HELZ: variants seen among roughly 807,000 people sequenced by gnomAD.
The protein encoded by HELZ is helicase with zinc finger, also known as ATP-dependent RNA helicase with zinc finger domain.
In HELZ, 23 loss-of-function variants were observed where a neutral mutation model predicts 218.2. The ratio of observed to expected loss-of-function variants is 0.11; its 90% CI spans 0.08 to 0.15. The LOEUF (loss-of-function observed/expected upper bound fraction) is 0.15, where lower values mean the gene tolerates loss of function less well. Among genes scored for constraint, HELZ ranks in the 10% least tolerant of loss-of-function variants. HELZ has a pLI of 1.00. For missense variants in HELZ, 1,813 were observed against 2,353.7 expected (o/e 0.77, Z 4.75); for synonymous variants, 814 against 829.4 (o/e 0.98, Z 0.32).
intron 31 of HELZ, among the ~76,000 whole-genome samples, chr17:67,101,654 T>C (rs1257006083): frequency 1.3e-5 from 2 of 152,176 alleles, no homozygotes; most frequent in African/African-American, 2.4e-5. Context: ...AACTGAACTT[T>C]TGGAAGCTCA....
intron 2 of HELZ, among the ~76,000 whole-genome samples, chr17:67,242,473 C>T (rs540021153): frequency 6.8e-6 from 1 of 147,610 alleles, no homozygotes; most frequent in Non-Finnish European, 1.5e-5. Flanking sequence ...CACATATATA[C>T]ACATATATAC....
At chr17:67,089,365 G>A (rs3785577) in intron 31 of HELZ, among the ~76,000 whole-genome samples, 2 of 151,900 alleles carry the variant, frequency 1.3e-5, no homozygotes, top group Non-Finnish European at 2.9e-5. Flanking sequence ...GAAATGGAAG[G>A]CTGATATAAG....
intron 3 of HELZ, among the ~76,000 whole-genome samples, chr17:67,226,461 C>T (rs773074873): frequency 6.6e-6 from 1 of 152,120 alleles, no homozygotes; most frequent in Non-Finnish European, 1.5e-5. Context: ...GATTCCACTA[C>T]ATACCTATTA....
At chr17:67,214,753 C>G (rs917031066) in intron 5 of HELZ, among the ~76,000 whole-genome samples, 12 of 152,194 alleles carry the variant, frequency 7.9e-5, no homozygotes, top group African/African-American at 2.7e-4. Flanking sequence ...TCTTCTCCCA[C>G]TCACTCCTAG....
intron 3 of HELZ, among the ~76,000 whole-genome samples, chr17:67,223,153 G>A (rs1314141332): frequency 6.6e-6 from 1 of 151,738 alleles, no homozygotes; most frequent in Non-Finnish European, 1.5e-5. Context: ...CCAGCTACTC[G>A]GGAGGCTGAG....
intron 21 of HELZ, 46 bp from the exon 22 acceptor site, chr17:67,138,160 T>G: frequency 7.0e-7 from 1 of 1,438,428 alleles, no homozygotes; most frequent in Non-Finnish European, 9.3e-7. Context: ...ATCACCAATG[T>G]TTGGAGAAAA....
chr17:67,239,463 A>G lies in HELZ; in HGVS notation c.-49T>C, dbSNP rs564644472. 9.2e-5 allele frequency: 14 copies of G among 152,364 alleles called. No homozygotes were observed. The East Asian group carries it at 1.9e-3, about 21-fold the overall frequency. 9.4% of individuals were successfully genotyped at this position (152,364 alleles called of 1,614,324 possible). A position where few individuals can be genotyped will look rare whatever the true frequency, so the allele number is the denominator to read the frequency against. ...GTTCACTGCACTGGGTATCACCCAAATAGCCCATCAGAGCTCTTTATAATT... is the reference window on the plus strand; with the variant it reads ...GTTCACTGCACTGGGTATCACCCAAGTAGCCCATCAGAGCTCTTTATAATT... On this transcript the variant is annotated 5_prime_UTR_variant, in exon 3 of 33. Transcript: ENST00000358691.
intron 5 of HELZ, among the ~76,000 whole-genome samples, chr17:67,208,425 T>C (rs2040362188): frequency 6.6e-6 from 1 of 152,152 alleles, no homozygotes; most frequent in Admixed American, 6.5e-5. Flanking sequence ...TGTTTTGATA[T>C]GGTGCCAGAG....
chr17:67,211,829 C>G (rs765078844), intron 5 of HELZ, among the ~76,000 whole-genome samples: 4 of 151,880 alleles, frequency 2.6e-5, no homozygotes, highest in Non-Finnish European at 5.9e-5. Flanking sequence ...CCACTGCACT[C>G]CAGCCTGAGC....
At chr17:67,228,843 C>A (rs1233743951) in intron 3 of HELZ, among the ~76,000 whole-genome samples, 1 of 152,060 alleles carries the variant, frequency 6.6e-6, no homozygotes, top group African/African-American at 2.4e-5. Flanking sequence ...CCGAGCCTCC[C>A]AAGTAGCTGG....
At chr17:67,142,097 T>A (rs139380543) in intron 21 of HELZ, among the ~76,000 whole-genome samples, 2 of 151,368 alleles carry the variant, frequency 1.3e-5, no homozygotes, top group Non-Finnish European at 3.0e-5. Context: ...CTAGAAAATA[T>A]GCACTTAATA....
At chr17:67,227,742 A>G (rs1046203943) in intron 3 of HELZ, among the ~76,000 whole-genome samples, 2 of 152,200 alleles carry the variant, frequency 1.3e-5, no homozygotes, top group African/African-American at 2.4e-5. Context: ...AACAAAATCA[A>G]TCTTTCCACT....
intron 31 of HELZ, among the ~76,000 whole-genome samples, chr17:67,104,071 A>G (rs979372295): frequency 1.3e-5 from 2 of 152,182 alleles, no homozygotes; most frequent in African/African-American, 4.8e-5. Context: ...CCCACCTCAC[A>G]CAATATACAA....
chr17:67,145,693 G>A lies in HELZ; in HGVS notation c.2769+50C>T, dbSNP rs747833432. 34 of 1,464,176 alleles carry A rather than the reference G, an allele frequency of 2.3e-5. No homozygotes were observed. In the South Asian group the frequency reaches 3.1e-4, roughly 13 times the overall value. The allele number at this position is 1,464,176 out of a possible 1,614,324, so 90.7% of individuals were successfully genotyped here. On this transcript the variant is annotated intron_variant, in intron 21 of 32. Transcript: ENST00000358691. Reference sequence around the variant, plus strand: ...TTTAAATAAATGCTTAACAAAACTAGACGATGTGACTGAGAAAATGTTAAC... The same window carrying A: ...TTTAAATAAATGCTTAACAAAACTAAACGATGTGACTGAGAAAATGTTAAC...
chr17:67,133,214 G>C (rs2038040738), intron 23 of HELZ, among the ~76,000 whole-genome samples: 1 of 151,822 alleles, frequency 6.6e-6, no homozygotes, highest in Non-Finnish European at 1.5e-5. Flanking sequence ...ATCAATTAAT[G>C]TATATACCTT....
chr17:67,124,383 C>A (rs1179141433), intron 24 of HELZ, among the ~76,000 whole-genome samples: 1 of 151,988 alleles, frequency 6.6e-6, no homozygotes, highest in Non-Finnish European at 1.5e-5. Flanking sequence ...TCACGAAACA[C>A]AGAGGTTGTT....
intron 28 of HELZ, among the ~76,000 whole-genome samples, chr17:67,111,003 C>CCA (rs1480332598): frequency 2.6e-5 from 4 of 152,112 alleles, no homozygotes; most frequent in Non-Finnish European, 4.4e-5. Context: ...GTGGAATATT[C>CCA]CAAGGAGAGA....
At chr17:67,233,233 A>T (rs1327778859) in intron 3 of HELZ, among the ~76,000 whole-genome samples, 2 of 152,214 alleles carry the variant, frequency 1.3e-5, no homozygotes, top group Admixed American at 6.5e-5. Flanking sequence ...TGCCCCTGTG[A>T]TCCCAGCTAC....
chr17:67,243,880 A>G (rs949469589), intron 1 of HELZ, 41 bp from the exon 2 acceptor site: 5 of 457,986 alleles, frequency 1.1e-5, no homozygotes, highest in Non-Finnish European at 1.4e-5. Flanking sequence ...AACACCAGTA[A>G]CAGACATTAT....
Sources: gnomAD v4.1 joint callset for allele counts (sites outside exome capture counted in the v4.1 genomes callset) on GRCh38, gnomAD v4.1.1 for gene constraint, MANE v1.5 for transcripts, NCBI Gene and HGNC (gene_info 2026-07-23, HGNC 2026-07-21) for gene names.